Variants in NEB observed in about 807,000 individuals in gnomAD.
The protein encoded by NEB is nemaline myopathy type 2.
NEB carries 512 observed loss-of-function variants against 952.2 expected under a neutral mutation model. The ratio of observed to expected loss-of-function variants is 0.54; its 90% CI spans 0.50 to 0.58. The LOEUF is 0.58. NEB is among the 20% of genes least tolerant of loss of function. NEB has a pLI of 0.00. For synonymous variants in NEB, 2,900 were observed against 3,149.8 expected (o/e 0.92, Z 2.66); for missense variants, 8,428 against 9,231.1 (o/e 0.91, Z 3.56).
chr2:151,492,691 G>C (rs1485888966), intron 176 of NEB, 197 bp from the exon 177 acceptor site: 1 of 394,200 alleles, frequency 2.5e-6, no homozygotes, highest in African/African-American at 2.1e-5. Context: ...GAAAGGACTT[G>C]TTTTGACTTC....
At chr2:151,494,099 C>G in intron 174 of NEB, 62 bp downstream of exon 174, 1 of 1,364,388 alleles carries the variant, frequency 7.3e-7, no homozygotes, top group South Asian at 1.2e-5. Flanking sequence ...GGGTTAGGAG[C>G]AGGCCAAACT....
chr2:151,615,281 T>G (rs2098154450), intron 76 of NEB, among the ~76,000 whole-genome samples: 1 of 152,234 alleles, frequency 6.6e-6, no homozygotes, highest in African/African-American at 2.4e-5. Flanking sequence ...AGATACTTTT[T>G]AGTTTACAGA....
intron 107 of NEB, 117 bp downstream of exon 107, chr2:151,575,578 T>A (rs1009041329): frequency 1.4e-6 from 1 of 731,138 alleles, no homozygotes; most frequent in Non-Finnish European, 2.4e-6. Context: ...CCACAAGGAG[T>A]CTTCCCCTGT....
In NEB at chr2:151,703,981, C is replaced by G. The variant is rs1205935160; in HGVS notation, c.1152+2900G>C. 3.8e-5 allele frequency among the ~76,000 whole-genome samples: 5 copies of G among 132,474 alleles called. No homozygotes were observed. In the Admixed American group the frequency reaches 4.0e-4, roughly 11 times the overall value. The allele number at this position is 132,474 out of a possible 152,430, so 86.9% of individuals were successfully genotyped here. Reference sequence around the variant, plus strand: ...TTTTTCTGTTCTGTTTTTTCCCCATCTTTGTGGTTTTATCTACTCTTGGTC... The same window carrying G: ...TTTTTCTGTTCTGTTTTTTCCCCATGTTTGTGGTTTTATCTACTCTTGGTC... On this transcript the variant is annotated intron_variant, in intron 13 of 181. Transcript: ENST00000397345.
chr2:151,710,370 GAAGTCACTAAGGA>G, intron 11 of NEB, 51 bp downstream of exon 11: 1 of 1,128,426 alleles, frequency 8.9e-7, no homozygotes, highest in Non-Finnish European at 1.3e-6. Context: ...CAAGTAGCTA[GAAGTCACTAAGGA>G]AAGGGGTCTC....
intron 161 of NEB, among the ~76,000 whole-genome samples, chr2:151,509,732 A>G (rs1270946729): frequency 1.3e-5 from 2 of 152,108 alleles, no homozygotes; most frequent in East Asian, 3.8e-4. Flanking sequence ...GGTTCAAGCA[A>G]TTCTCCTGCC....
chr2:151,710,671 T>A, intron 10 of NEB, 133 bp from the exon 11 acceptor site: 2 of 531,554 alleles, frequency 3.8e-6, no homozygotes, highest in Non-Finnish European at 3.2e-6. Context: ...TAAATGCCTT[T>A]AAAAAAAATC....
intron 148 of NEB, 40 bp downstream of exon 148, chr2:151,526,878 T>C (rs778993875): frequency 4.5e-5 from 62 of 1,371,278 alleles, no homozygotes; most frequent in Non-Finnish European, 6.3e-5. Context: ...AAGATGGCCC[T>C]GAGTGAGGTT....
rs1339837746 is a variant in NEB at position 151,508,095 on chromosome 2, T to G, written c.23361A>C (p.Glu7787Asp). The G allele has an allele frequency of 4.4e-6, 7 of 1,604,690 alleles. No individual in the cohort carries two copies. The highest frequency in any genetic ancestry group is 3.4e-5 in the South Asian group (3 of 89,314). Residue 7787 changes from glutamate (E) to aspartate (D), a missense_variant, in exon 162 of 182, where the codon GAA becomes GAC. Glu to Asp is a conservative substitution (Grantham distance 45, BLOSUM62 2). Around this residue, in one of 11 missense-constraint regions of NEB, gnomAD observed 3,374 missense variants for 3,651.5 expected, o/e 0.92. Transcript: ENST00000397345. ...AATACGACATGGACTTCTCAGCATCTTCCTTGTACTTTTTCTGGGAATAGA... is the reference window on the plus strand; with the variant it reads ...AATACGACATGGACTTCTCAGCATCGTCCTTGTACTTTTTCTGGGAATAGA... ...KNLSSQKKYK[E>D]DAEKSMSYYE...
intron 134 of NEB, 39 bp downstream of exon 134, chr2:151,546,306 T>C (rs2094677432): frequency 1.3e-6 from 2 of 1,512,368 alleles, no homozygotes; most frequent in African/African-American, 1.4e-5. Flanking sequence ...CATCCAGCTG[T>C]GCGGGGGGTA....
At chr2:151,549,174 C>T (rs1423438386) in intron 130 of NEB, among the ~76,000 whole-genome samples, 1 of 152,204 alleles carries the variant, frequency 6.6e-6, no homozygotes, top group East Asian at 1.9e-4. Context: ...AGCTAAATAT[C>T]AGCCAGCAGC....
chr2:151,641,970 C>T (rs185656394), intron 60 of NEB, among the ~76,000 whole-genome samples: 7 of 152,188 alleles, frequency 4.6e-5, no homozygotes, highest in African/African-American at 1.4e-4. Context: ...TCCCTCCCCC[C>T]ATCCTATGAC....
Position 151,508,061 on chromosome 2 carries a change from C to T in NEB, c.23395G>A (p.Val7799Ile). 2 of 1,611,282 alleles carry T rather than the reference C, an allele frequency of 1.2e-6. No homozygotes were observed. Among genetic ancestry groups the T allele is most frequent in the East Asian group, 2.2e-5 (1 of 44,854 alleles). Residue 7799 changes from valine (V) to isoleucine (I), a missense_variant, in exon 162 of 182, where the codon GTT becomes ATT. Coordinates refer to ENST00000397345, the MANE Select transcript of NEB (RefSeq NM_001164508.2). ...CTCTGTATCTCTGGGGTGTCCAAAA[C>T]AGTCTCATAATACGACATGGACTTC... ...AEKSMSYYET[V>I]LDTPEIQRVR...
chr2:151,611,818 G>A lies in NEB; in HGVS notation c.11805+368C>T, dbSNP rs1579252698. ...TGTGTATCCCAGCCCTCAGAATGAA[G>A]TGTAAATGGCTTATATTCCTTACCA... On this transcript the variant is annotated intron_variant, in intron 78 of 181. Transcript: ENST00000397345. 3.3e-5 allele frequency among the ~76,000 whole-genome samples: 5 copies of A among 152,332 alleles called. 1 individual carries two copies. The highest frequency in any genetic ancestry group is 3.3e-4 in the Admixed American group (5 of 15,308).
At chr2:151,564,066 A>G in intron 117 of NEB, 136 bp from the exon 118 acceptor site, 1 of 637,500 alleles carries the variant, frequency 1.6e-6, no homozygotes, top group Non-Finnish European at 2.8e-6. Flanking sequence ...CCATTAGTGC[A>G]TCTACCTAGA....
intron 48 of NEB, among the ~76,000 whole-genome samples, chr2:151,657,780 C>T (rs1391721142): frequency 6.6e-6 from 1 of 152,164 alleles, no homozygotes; most frequent in Non-Finnish European, 1.5e-5. Flanking sequence ...AGGGAGCTGA[C>T]ATCTATGAGG....
At position 151,629,773 on chromosome 2, in the gene NEB, T is replaced by C. The variant is rs189538857; in HGVS notation, c.9724-127A>G. On this transcript the variant is annotated intron_variant, in intron 67 of 181. Coordinates refer to ENST00000397345, the MANE Select transcript of NEB (RefSeq NM_001164508.2). ...TGGAGACAATTCAAGTTTCTGGCAA[T>C]AGTGGAAAGCAAATAAATTATATTC... 73 of 702,364 alleles carry C rather than the reference T, an allele frequency of 1.0e-4. No homozygotes were observed. In the African/African-American group the frequency reaches 1.2e-3, roughly 12 times the overall value. 43.5% of individuals were successfully genotyped at this position (702,364 alleles called of 1,614,324 possible).
In NEB at chr2:151,655,804, C is replaced by T. The variant is rs1202530140; in HGVS notation, c.6702+13G>A. The T allele has an allele frequency of 6.2e-7, 1 of 1,612,992 alleles. No homozygotes were observed. Among genetic ancestry groups the T allele is most frequent in the Non-Finnish European group, 8.5e-7 (1 of 1,179,230 alleles). ...CACGTGGGAGCTGTGTGGACGGCCACTGTTCTCTGTACCTTGTTCATGGTA... is the reference window on the plus strand; with the variant it reads ...CACGTGGGAGCTGTGTGGACGGCCATTGTTCTCTGTACCTTGTTCATGGTA... On this transcript the variant is annotated intron_variant, in intron 50 of 181. Transcript: ENST00000397345.
intron 24 of NEB, 86 bp from the exon 25 acceptor site, chr2:151,688,482 GT>G: frequency 9.9e-7 from 1 of 1,009,276 alleles, no homozygotes; most frequent in African/African-American, 1.6e-5. Context: ...CATTAGTGCT[GT>G]TTTTAGAAAA....
Sources: allele counts gnomAD v4.1 joint callset (sites outside exome capture counted in the v4.1 genomes callset), GRCh38; gene constraint gnomAD v4.1.1; regional missense constraint gnomAD v4.1.1; transcripts MANE v1.5; gene names NCBI Gene and HGNC (gene_info 2026-07-23, HGNC 2026-07-21).